Variants in ROPN1 observed in about 807,000 individuals in gnomAD.
ROPN1 encodes the protein rhophilin associated tail protein 1, also known as ropporin-1A.
ROPN1 carries 14 observed loss-of-function variants against 20.5 expected under a neutral mutation model. The observed-to-expected ratio is 0.68, with a 90% CI of 0.45 to 1.07. The LOEUF (loss-of-function observed/expected upper bound fraction) is 1.07, where lower values mean the gene tolerates loss of function less well. ROPN1 is among the 50% of genes least tolerant of loss of function. The probability of loss-of-function intolerance (pLI) is 0.00; values close to 1 mark genes in which losing one functional copy is unlikely to be tolerated. For missense variants in ROPN1, 169 were observed against 242.8 expected (o/e 0.70, Z 2.02); for synonymous variants, 76 against 95.7 (o/e 0.79, Z 1.20).
chr3:123,973,545 C>T (rs140666022), intron 4 of ROPN1, among the ~76,000 whole-genome samples: 3 of 152,242 alleles, frequency 2.0e-5, no homozygotes, highest in African/African-American at 7.2e-5. Context: ...TCATGGTTTC[C>T]CCTCTCCAGT....
chr3:123,972,956 C>T (rs563416766), intron 4 of ROPN1, among the ~76,000 whole-genome samples: 19 of 152,262 alleles, frequency 1.2e-4, no homozygotes, highest in Admixed American at 1.2e-3. Flanking sequence ...AAGAGGCCAG[C>T]AGATTTGCTC....
At chr3:123,974,122 T>C (rs1212091828) in intron 4 of ROPN1, among the ~76,000 whole-genome samples, 1 of 152,204 alleles carries the variant, frequency 6.6e-6, no homozygotes, top group Non-Finnish European at 1.5e-5. Context: ...TATTTTCTTA[T>C]TTGACCCTTT....
intron 2 of ROPN1, 62 bp from the exon 3 acceptor site, chr3:123,977,043 A>C (rs1023896889): frequency 2.3e-5 from 35 of 1,494,280 alleles, no homozygotes; most frequent in Non-Finnish European, 3.1e-5. Flanking sequence ...TGGCTGTTCT[A>C]GCAATCCTTC....
chr3:123,982,561 T>C (rs2038172455), intron 1 of ROPN1, among the ~76,000 whole-genome samples: 2 of 152,174 alleles, frequency 1.3e-5, no homozygotes, highest in South Asian at 4.1e-4. Flanking sequence ...ATTTTTATAC[T>C]TCTACTTACA....
chr3:123,988,870 A>G (rs1323008448), intron 1 of ROPN1, among the ~76,000 whole-genome samples: 1 of 152,080 alleles, frequency 6.6e-6, no homozygotes, highest in East Asian at 1.9e-4. Context: ...CAAAGAAGGT[A>G]TAATAAGTGT....
intron 1 of ROPN1, among the ~76,000 whole-genome samples, chr3:123,983,233 T>C (rs772917486): frequency 4.6e-5 from 7 of 152,248 alleles, no homozygotes; most frequent in Non-Finnish European, 1.0e-4. Context: ...AACATAGGTA[T>C]ACAAATATGT....
rs112001255 is a variant in ROPN1, at chr3:123,984,169, C to A, written c.-12-3676G>T. 5.7e-3 allele frequency among the ~76,000 whole-genome samples: 864 copies of A among 152,222 alleles called. 11 individuals are homozygous for A. The highest frequency in any genetic ancestry group is 0.02 in the African/African-American group (817 of 41,552). Reference sequence around the variant, plus strand: ...TTTCTGTTGCTCTTCTTGGAGAGCTCGCAGCCTCTTCACGGCTTTATCTAC... The same window carrying A: ...TTTCTGTTGCTCTTCTTGGAGAGCTAGCAGCCTCTTCACGGCTTTATCTAC... On this transcript the variant is annotated intron_variant, in intron 1 of 5. Coordinates refer to ENST00000405845, the MANE Select transcript of ROPN1 (RefSeq NM_001317774.2).
In ROPN1 at chr3:123,973,866, G is replaced by A. The variant is rs754707701; in HGVS notation, c.396+1513C>T. Among the ~76,000 whole-genome samples the A allele has an allele frequency of 1.5e-4, 23 of 152,162 alleles. 1 individual carries two copies. The highest frequency in any genetic ancestry group is 2.4e-5 in the African/African-American group (1 of 41,440). On this transcript the variant is annotated intron_variant, in intron 4 of 5. Coordinates refer to ENST00000405845, the MANE Select transcript of ROPN1 (RefSeq NM_001317774.2). ...ACGAGACCAAAAACTTAAGCTGCAAGCAGCTAGCGACCAGACAGACAGGCA... is the reference window on the plus strand; with the variant it reads ...ACGAGACCAAAAACTTAAGCTGCAAACAGCTAGCGACCAGACAGACAGGCA...
chr3:123,975,067 T>G (rs1268050651), intron 4 of ROPN1: 2 of 438,440 alleles, frequency 4.6e-6, no homozygotes, highest in African/African-American at 2.0e-5. Flanking sequence ...CTTGGTTGTC[T>G]CTGGGAATAT....
At chr3:123,983,448 C>T (rs1212437514) in intron 1 of ROPN1, among the ~76,000 whole-genome samples, 2 of 152,188 alleles carry the variant, frequency 1.3e-5, no homozygotes, top group South Asian at 2.1e-4. Flanking sequence ...CAGATAATCT[C>T]GTGTAAACGA....
At chr3:123,990,464 A>G (rs1449891165) in intron 1 of ROPN1, among the ~76,000 whole-genome samples, 10 of 152,282 alleles carry the variant, frequency 6.6e-5, no homozygotes, top group South Asian at 2.1e-4. Flanking sequence ...TTATCCCCCC[A>G]TGTTCCCATT....
At chr3:123,969,976 T>G in intron 5 of ROPN1, 66 bp downstream of exon 5, 2 of 1,506,042 alleles carry the variant, frequency 1.3e-6, no homozygotes, top group Non-Finnish European at 1.8e-6. Context: ...ATAATCTCAC[T>G]ATCTTGGCCA....
At chr3:123,989,252 G>T (rs981506268) in intron 1 of ROPN1, among the ~76,000 whole-genome samples, 2 of 152,198 alleles carry the variant, frequency 1.3e-5, no homozygotes, top group African/African-American at 2.4e-5. Context: ...TGGGCCTAAG[G>T]CTGGAAATAT....
chr3:123,986,944 G>A (rs2038273915), intron 1 of ROPN1, among the ~76,000 whole-genome samples: 1 of 152,252 alleles, frequency 6.6e-6, no homozygotes, highest in Non-Finnish European at 1.5e-5. Context: ...GAAGAGGCCA[G>A]CAGACCAAGG....
intron 1 of ROPN1, among the ~76,000 whole-genome samples, chr3:123,983,058 T>C (rs1361312612): frequency 6.6e-6 from 1 of 151,896 alleles, no homozygotes; most frequent in Non-Finnish European, 1.5e-5. Flanking sequence ...TTTGGATCCA[T>C]AGTCAGATGT....
At chr3:123,971,444 C>A (rs77875935) in intron 4 of ROPN1, among the ~76,000 whole-genome samples, 2,439 of 152,262 alleles carry the variant, frequency 0.016, 63 homozygotes, top group African/African-American at 0.055. Context: ...AAAACAGAAT[C>A]TTCAATACAT....
Position 123,969,239 on chromosome 3 carries a change from T to C in ROPN1, c.573-18A>G. The C allele has an allele frequency of 5.1e-6, 8 of 1,578,628 alleles. No individual in the cohort carries two copies. Among genetic ancestry groups the C allele is most frequent in the Non-Finnish European group, 7.0e-6 (8 of 1,148,082 alleles). Reference sequence around the variant, plus strand: ...GGCCAATTCTGTTTGGAAAAAGGTATATCTGCAGTTAGTTCATTGACAGTT... The same window carrying C: ...GGCCAATTCTGTTTGGAAAAAGGTACATCTGCAGTTAGTTCATTGACAGTT... On this transcript the variant is annotated intron_variant, in intron 5 of 5. Transcript: ENST00000405845.
In ROPN1 at chr3:123,970,213, A is replaced by C. The variant is rs780163393; in HGVS notation, c.401T>G (p.Ile134Ser). The C allele has an allele frequency of 6.2e-7, 1 of 1,613,266 alleles. No individual in the cohort carries two copies. Among genetic ancestry groups the C allele is most frequent in the Non-Finnish European group, 8.5e-7 (1 of 1,179,298 alleles). The change falls in exon 5 of 6, where the codon ATT (isoleucine) becomes AGT (serine). Residue 134 changes from isoleucine to serine, a missense_variant. Ile to Ser is a moderately radical substitution (Grantham distance 142). Around this residue, in one of 3 missense-constraint regions of ROPN1, gnomAD observed 82 missense variants for 100.1 expected, o/e 0.82. Coordinates refer to ENST00000405845, the MANE Select transcript of ROPN1 (RefSeq NM_001317774.2). Reference sequence around the variant, plus strand: ...ACACACTATCTTGAGAGTTTTGGTAATAGTCTATAAAAGTTAGATAAAATG... The same window carrying C: ...ACACACTATCTTGAGAGTTTTGGTACTAGTCTATAAAAGTTAGATAAAATG... The part of the protein sequence containing the change: ...ALACSALGVT[I>S]TKTLKIVCEV...
chr3:123,979,288 C>T (rs1042832896), intron 2 of ROPN1: 1 of 354,592 alleles, frequency 2.8e-6, no homozygotes, highest in African/African-American at 2.2e-5. Flanking sequence ...CAAAGGTGTC[C>T]ACACTCTCCC....
Sources: allele counts gnomAD v4.1 joint callset (sites outside exome capture counted in the v4.1 genomes callset), GRCh38; gene constraint gnomAD v4.1.1; regional missense constraint gnomAD v4.1.1; transcripts MANE v1.5; gene names NCBI Gene and HGNC (gene_info 2026-07-23, HGNC 2026-07-21).